The following CAMK4 variants were observed in gnomAD, a reference collection of about 807,000 sequenced individuals.
The protein encoded by CAMK4 is calcium/calmodulin dependent protein kinase IV.
Under a neutral mutation model 44.9 loss-of-function variants are expected in CAMK4, and 22 were observed. The ratio of observed to expected loss-of-function variants is 0.49; its 90% CI spans 0.35 to 0.70. The LOEUF (loss-of-function observed/expected upper bound fraction) is 0.70. Among genes scored for constraint, CAMK4 ranks in the 30% least tolerant of loss-of-function variants. The pLI is 0.01. For synonymous variants in CAMK4, 218 were observed against 215.4 expected (o/e 1.01, Z -0.11); for missense variants, 498 against 586.8 (o/e 0.85, Z 1.56).
At chr5:111,405,185 T>G (rs1053935823) in intron 5 of CAMK4, among the ~76,000 whole-genome samples, 5 of 152,184 alleles carry the variant, frequency 3.3e-5, no homozygotes, top group African/African-American at 1.2e-4. Context: ...TAAAAGAAAA[T>G]TTGGCTGGGT....
intron 1 of CAMK4, among the ~76,000 whole-genome samples, chr5:111,282,418 C>CA (rs5870438): frequency 0.054 from 8,226 of 152,114 alleles, 554 homozygotes; most frequent in East Asian, 0.22. Flanking sequence ...TTCTAGTATA[C>CA]ATTGCTTGAA....
intron 1 of CAMK4, among the ~76,000 whole-genome samples, chr5:111,316,836 C>G (rs1748445179): frequency 6.6e-6 from 1 of 151,998 alleles, no homozygotes; most frequent in Admixed American, 6.6e-5. Flanking sequence ...TAACCTGTTT[C>G]CTAGCTATTT....
chr5:111,231,014 C>T (rs1748448648), intron 1 of CAMK4, among the ~76,000 whole-genome samples: 1 of 152,024 alleles, frequency 6.6e-6, no homozygotes, highest in Non-Finnish European at 1.5e-5. Flanking sequence ...AGGTTTTACT[C>T]AAATTATATT....
chr5:111,330,136 T>A (rs1335377608), intron 1 of CAMK4, among the ~76,000 whole-genome samples: 7 of 143,560 alleles, frequency 4.9e-5, no homozygotes, highest in African/African-American at 1.8e-4. Context: ...AGAAGACTAG[T>A]AAGTTAATTT....
intron 5 of CAMK4, among the ~76,000 whole-genome samples, chr5:111,410,894 C>T (rs1752609065): frequency 6.6e-6 from 1 of 152,018 alleles, no homozygotes; most frequent in Non-Finnish European, 1.5e-5. Flanking sequence ...CAGTAATAGC[C>T]ACACACTTCC....
intron 1 of CAMK4, among the ~76,000 whole-genome samples, chr5:111,263,339 A>G (rs1047796023): frequency 2.0e-5 from 3 of 152,244 alleles, no homozygotes; most frequent in Non-Finnish European, 2.9e-5. Context: ...AAAATGAAGG[A>G]AAGATAGGAA....
intron 5 of CAMK4, among the ~76,000 whole-genome samples, chr5:111,436,256 A>G (rs1010798508): frequency 3.3e-5 from 5 of 152,206 alleles, no homozygotes; most frequent in African/African-American, 9.6e-5. Flanking sequence ...ATATAGTTCT[A>G]TGGCATGCAT....
chr5:111,392,360 C>G (rs1751832886), intron 4 of CAMK4, among the ~76,000 whole-genome samples: 1 of 152,060 alleles, frequency 6.6e-6, no homozygotes, highest in Non-Finnish European at 1.5e-5. Context: ...TGACAACTCA[C>G]TCACAGTCAT....
intron 5 of CAMK4, among the ~76,000 whole-genome samples, chr5:111,416,241 TAC>T (rs1752809634): frequency 6.6e-6 from 1 of 152,054 alleles, no homozygotes; most frequent in Non-Finnish European, 1.5e-5. Context: ...AACTCCCATA[TAC>T]ATGCACATAT....
At chr5:111,397,159 C>G (rs1237016512) in intron 5 of CAMK4, among the ~76,000 whole-genome samples, 1 of 152,168 alleles carries the variant, frequency 6.6e-6, no homozygotes, top group African/African-American at 2.4e-5. Flanking sequence ...GCTGATACAG[C>G]AGTTAAGAAT....
chr5:111,228,026 C>T (rs938310313), intron 1 of CAMK4, among the ~76,000 whole-genome samples: 2 of 152,170 alleles, frequency 1.3e-5, no homozygotes, highest in African/African-American at 4.8e-5. Flanking sequence ...TGGTTTGGCA[C>T]ATGGAATGAC....
chr5:111,287,866 A>C (rs1346267029), intron 1 of CAMK4, among the ~76,000 whole-genome samples: 4 of 152,148 alleles, frequency 2.6e-5, no homozygotes, highest in Non-Finnish European at 5.9e-5. Context: ...AATATTGTTA[A>C]GCAAAACCAC....
chr5:111,481,047 G>A (rs1418345369), intron 9 of CAMK4, among the ~76,000 whole-genome samples: 1 of 152,126 alleles, frequency 6.6e-6, no homozygotes, highest in Non-Finnish European at 1.5e-5. Context: ...GCAGGGTAAT[G>A]GCAAGGCTTT....
intron 1 of CAMK4, among the ~76,000 whole-genome samples, chr5:111,323,507 G>A: frequency 6.6e-6 from 1 of 151,748 alleles, no homozygotes; most frequent in East Asian, 1.9e-4. Flanking sequence ...TGTAAGTCAA[G>A]GAGCATTTGC....
intron 1 of CAMK4, among the ~76,000 whole-genome samples, chr5:111,226,128 G>A (rs764641966): frequency 6.6e-6 from 1 of 152,066 alleles, no homozygotes; most frequent in Non-Finnish European, 1.5e-5. Flanking sequence ...GCTGCTGCAG[G>A]GACTGTCCCA....
intron 4 of CAMK4, among the ~76,000 whole-genome samples, chr5:111,378,305 G>A (rs768234232): frequency 3.0e-4 from 45 of 152,212 alleles, no homozygotes; most frequent in Admixed American, 4.6e-4. Context: ...AGAAATAAAT[G>A]TTTGATATGT....
intron 2 of CAMK4, among the ~76,000 whole-genome samples, chr5:111,368,419 C>T (rs1201869450): frequency 6.6e-6 from 1 of 152,080 alleles, no homozygotes; most frequent in Non-Finnish European, 1.5e-5. Context: ...AGGAAAACAC[C>T]AACTTCTGTA....
chr5:111,375,196 CAA>C (rs776167894), intron 3 of CAMK4, among the ~76,000 whole-genome samples: 6 of 152,148 alleles, frequency 3.9e-5, no homozygotes, highest in Non-Finnish European at 8.8e-5. Context: ...TTTTCTCCAA[CAA>C]AACACTGGCT....
At chr5:111,269,501 G>A (rs1458217535) in intron 1 of CAMK4, among the ~76,000 whole-genome samples, 4 of 152,240 alleles carry the variant, frequency 2.6e-5, no homozygotes, top group South Asian at 2.1e-4. Context: ...GGTCCTTGCT[G>A]TGCAGTGGCT....
Sources: allele counts gnomAD v4.1 joint callset (sites outside exome capture counted in the v4.1 genomes callset), GRCh38; gene constraint gnomAD v4.1.1; transcripts MANE v1.5; gene names NCBI Gene and HGNC (gene_info 2026-07-23, HGNC 2026-07-21).